ABCA7: variants seen among roughly 807,000 people sequenced by gnomAD.
The protein encoded by ABCA7 is ATP binding cassette subfamily A member 7.
Under a neutral mutation model 227.6 loss-of-function variants are expected in ABCA7, and 261 were observed. That is an observed-to-expected ratio of 1.15 (90% confidence interval 1.04 to 1.27). ABCA7 has a LOEUF of 1.27. ABCA7 is among the 50% of genes most tolerant of loss of function. ABCA7 has a pLI of 0.00. For missense variants in ABCA7, 3,331 were observed against 2,924.5 expected, an observed-to-expected ratio of 1.14 and a Z score of -3.21; for synonymous variants, 1,488 against 1,279.7, an observed-to-expected ratio of 1.16 and a Z score of -3.47.
In ABCA7 at chr19:1,042,764, C is replaced by G. The variant is rs555563668; in HGVS notation, c.517C>G (p.Leu173Val). 1 of 1,613,514 alleles carries G rather than the reference C, an allele frequency of 6.2e-7. No homozygotes were observed. ...TCCCCAGGAATCCCTGGGGTTGGCA[C>G]TGGGCCAAGCCCAGGAGCCCTTGCA... is the stretch of plus-strand genomic sequence containing the variant. ...LLRTESLGLA[L>V]GQAQEPLHSL... Residue 173 changes from leucine to valine, a missense_variant, in exon 7 of 47, where the codon CTG becomes GTG. Coordinates refer to ENST00000263094, the MANE Select transcript of ABCA7 (RefSeq NM_019112.4).
intron 21 of ABCA7, 25 bp from the exon 22 acceptor site, chr19:1,051,917 T>G: frequency 1.2e-6 from 2 of 1,605,768 alleles, no homozygotes; most frequent in Non-Finnish European, 1.7e-6. Flanking sequence ...CTGATGGTAG[T>G]TGTGGGTTGG....
chr19:1,052,169 G>T, intron 22 of ABCA7, 43 bp downstream of exon 22: 1 of 1,603,638 alleles, frequency 6.2e-7, no homozygotes, highest in Admixed American at 1.7e-5. Context: ...CCGGGACTCT[G>T]TTCAGCCCTG....
chr19:1,064,311 C>CA, intron 45 of ABCA7, 58 bp downstream of exon 45: 2 of 1,487,734 alleles, frequency 1.3e-6, no homozygotes, highest in Non-Finnish European at 1.8e-6. Context: ...TAGGTAGGCT[C>CA]AGGGGAGAGG....
intron 18 of ABCA7, 29 bp downstream of exon 18, chr19:1,049,466 AGCCCCCCC>A (rs1202638110): frequency 2.5e-5 from 28 of 1,135,472 alleles, no homozygotes; most frequent in Admixed American, 1.0e-4. Flanking sequence ...CCTCCCCGTG[AGCCCCCCC>A]ACTCCCACCC....
chr19:1,059,580 T>G (rs1348783463), intron 40 of ABCA7, among the ~76,000 whole-genome samples: 1 of 144,804 alleles, frequency 6.9e-6, no homozygotes, highest in African/African-American at 2.6e-5. Flanking sequence ...TATCTTTTTT[T>G]AGAGACGGAG....
intron 40 of ABCA7, among the ~76,000 whole-genome samples, chr19:1,060,207 A>ATATATATATATATATATATATTTTTTTTT: frequency 7.2e-5 from 7 of 96,770 alleles, no homozygotes; most frequent in African/African-American, 2.4e-4. Context: ...ATATATATAT[A>ATATATATATATATATATATATTTTTTTTT]TTTTTTTTTC....
At chr19:1,064,774 G>C in intron 45 of ABCA7, 157 bp from the exon 46 acceptor site, 1 of 1,251,628 alleles carries the variant, frequency 8.0e-7, no homozygotes, top group Non-Finnish European at 1.1e-6. Context: ...TCAGCTACGC[G>C]GGCGGGGGGT....
intron 13 of ABCA7, 44 bp from the exon 14 acceptor site, chr19:1,046,758 C>A (rs1373364174): frequency 1.1e-5 from 17 of 1,504,840 alleles, no homozygotes; most frequent in African/African-American, 1.4e-5. Context: ...GAGGGGGGGT[C>A]TGCGGAGGGT....
chr19:1,054,151 C>G lies in ABCA7; in HGVS notation c.3577+41C>G. 1.2e-6 allele frequency: 2 copies of G among 1,612,340 alleles called. No individual in the cohort carries two copies. The highest frequency in any genetic ancestry group is 2.2e-5 in the South Asian group (2 of 91,026). On this transcript the variant is annotated intron_variant, in intron 26 of 46. Coordinates refer to ENST00000263094, the MANE Select transcript of ABCA7 (RefSeq NM_019112.4). This position sits in a 1 kb window ranked among gnomAD's most constrained non-coding sequence, Gnocchi z 4.8. ...TGGCCCTGGGGTCCTCCCAGCCACCCCCCCACAGCAGCGTGAGCACTGACC... is the reference window on the plus strand; with the variant it reads ...TGGCCCTGGGGTCCTCCCAGCCACCGCCCCACAGCAGCGTGAGCACTGACC...
Position 1,048,178 on chromosome 19 carries a change from A to T in ABCA7, c.2269+524A>T, listed in dbSNP as rs532320404. On this transcript the variant is annotated intron_variant, in intron 16 of 46. Transcript: ENST00000263094. ...CCACCAGCCTGGGCAACAGAGTGAG[A>T]CCTCCATCTCTTTAAAAAAAAAAAA... 9.0e-3 allele frequency among the ~76,000 whole-genome samples: 1,074 copies of T among 118,906 alleles called. 10 individuals are homozygous for T. Among genetic ancestry groups the T allele is most frequent in the African/African-American group, 0.032 (1,012 of 31,362 alleles). The allele number at this position is 118,906 out of a possible 152,430, so 78.0% of individuals were successfully genotyped here.
At chr19:1,053,899 A>C in intron 25 of ABCA7, 63 bp downstream of exon 25, 2 of 1,591,782 alleles carry the variant, frequency 1.3e-6, no homozygotes, top group Non-Finnish European at 1.7e-6. Flanking sequence ...CCAGGTCCCC[A>C]TCCCTGGCTT....
intron 16 of ABCA7, among the ~76,000 whole-genome samples, 171 bp from the exon 17 acceptor site, chr19:1,048,724 A>G (rs1233476302): frequency 1.6e-4 from 24 of 145,564 alleles, no homozygotes; most frequent in Non-Finnish European, 3.0e-4. Flanking sequence ...CAGGAGAATG[A>G]CGTGAACTGG....
At position 1,056,338 on chromosome 19, in the gene ABCA7, C is replaced by CA; in HGVS notation, c.4427dup (p.Asn1476LysfsTer51). On this transcript the variant is annotated frameshift_variant, in exon 33 of 47. Coordinates refer to ENST00000263094, the MANE Select transcript of ABCA7 (RefSeq NM_019112.4). LOFTEE classifies it high-confidence loss of function. The surrounding 1 kb of genome is among the most constrained non-coding windows in gnomAD (Gnocchi z 4.3). The stretch of plus-strand genomic sequence containing the variant: ...CCTTGACCCCCACCCAGATCTGGTT[C>CA]AACAACAAAGGCTGGCACTCCATGG... 1 of 1,613,294 alleles carries CA rather than the reference C, an allele frequency of 6.2e-7. No individual in the cohort carries two copies. Among genetic ancestry groups the CA allele is most frequent in the Non-Finnish European group, 8.5e-7 (1 of 1,179,910 alleles).
In ABCA7 at chr19:1,041,367, C is replaced by A. The variant is rs1232884763; in HGVS notation, c.6C>A (p.Ala2=). Residue 2 remains alanine (A), a synonymous_variant, in exon 2 of 47, where the codon GCC becomes GCA. Coordinates refer to ENST00000263094, the MANE Select transcript of ABCA7 (RefSeq NM_019112.4). M[A]FWTQLMLLLW... ...GTCCCCTGCCCAGTCTCACCATGGC[C>A]TTCTGGACACAGCTGATGCTGCTGC... 1 of 1,614,034 alleles carries A rather than the reference C, an allele frequency of 6.2e-7. No homozygotes were observed.
At chr19:1,064,328 G>A (rs1354536075) in intron 45 of ABCA7, 75 bp downstream of exon 45, 2 of 1,414,468 alleles carry the variant, frequency 1.4e-6, no homozygotes, top group Non-Finnish European at 1.9e-6. Flanking sequence ...GAGGCCAGAC[G>A]TAGAGCCGGG....
rs923620579 is a variant in ABCA7 at position 1,047,410 on chromosome 19, G to C, written c.2067+32G>C. ...GCCGGGTCGGGCGTGGATGGGGGAC[G>C]CCCCCCGCTTCGGCCGCTCACTGAC... On this transcript the variant is annotated intron_variant, in intron 15 of 46. Coordinates refer to ENST00000263094, the MANE Select transcript of ABCA7 (RefSeq NM_019112.4). 1.9e-6 allele frequency: 3 copies of C among 1,544,216 alleles called. No homozygotes were observed. The African/African-American group carries it at 4.1e-5, about 21-fold the overall frequency.
Position 1,054,370 on chromosome 19 carries a change from A to T in ABCA7, c.3726+29A>T. The T allele has an allele frequency of 6.4e-7, 1 of 1,574,202 alleles. No individual in the cohort carries two copies. The highest frequency in any genetic ancestry group is 1.1e-5 in the South Asian group (1 of 88,708). On this transcript the variant is annotated intron_variant, in intron 27 of 46. Transcript: ENST00000263094. This position sits in a 1 kb window ranked among gnomAD's most constrained non-coding sequence, Gnocchi z 4.8. The stretch of plus-strand genomic sequence containing the variant: ...AGGAGGGCTAGCACCAGGGAGTCGC[A>T]TGGGAGTCCCTGAGTTCCCTACCCT...
At chr19:1,040,394 T>G (rs931591224) in intron 1 of ABCA7, among the ~76,000 whole-genome samples, 198 bp downstream of exon 1, 1 of 152,070 alleles carries the variant, frequency 6.6e-6, no homozygotes, top group African/African-American at 2.4e-5. Flanking sequence ...CCTTTGCCGA[T>G]CACACACCTG....
rs777526592 is a variant in ABCA7 at position 1,049,435 on chromosome 19, C to T, written c.2550C>T (p.Thr850=). 6.3e-7 allele frequency: 1 copy of T among 1,595,868 alleles called. No individual in the cohort carries two copies. The highest frequency in any genetic ancestry group is 2.2e-5 in the East Asian group (1 of 44,450). The change falls in exon 18 of 47, where the codon ACC becomes ACT. Residue 850 remains threonine (T), a splice_region_variant and synonymous_variant. Transcript: ENST00000263094. ...ACAACGGGGCCGGCAAGACCACCAC[C>T]CTGTGAGCCCCCAACCACTCCCTCC... ...LGHNGAGKTT[T]LSILSGLFPP...
Sources: allele counts gnomAD v4.1 joint callset (sites outside exome capture counted in the v4.1 genomes callset), GRCh38; gene constraint gnomAD v4.1.1; non-coding constraint Gnocchi (gnomAD v3.1); transcripts MANE v1.5; gene names NCBI Gene and HGNC (gene_info 2026-07-23, HGNC 2026-07-21).